The following PRTG variants were observed in gnomAD, a reference collection of about 807,000 sequenced individuals.
PRTG encodes protogenin.
In PRTG, 67 loss-of-function variants were observed where a neutral mutation model predicts 122.5. The ratio of observed to expected loss-of-function variants is 0.55; its 90% CI spans 0.45 to 0.67. The LOEUF is 0.67. Ranked by LOEUF, PRTG falls within the 30% of genes least tolerant of loss-of-function variation. The pLI is 0.00. For synonymous variants in PRTG, 554 were observed against 501.1 expected, an observed-to-expected ratio of 1.11 and a Z score of -1.41; for missense variants, 1,435 against 1,415.4, an observed-to-expected ratio of 1.01 and a Z score of -0.22.
chr15:55,680,475 TCCTGAGAAGAC>T lies in PRTG; in HGVS notation c.814+5_814+15del, dbSNP rs1243148181. The T allele has an allele frequency of 6.4e-7, 1 of 1,552,952 alleles. No individual in the cohort carries two copies. The highest frequency in any genetic ancestry group is 2.2e-5 in the Admixed American group (1 of 45,710). ...TTAAGGAAAAGACTTTTTTTTTTTT[TCCTGAGAAGAC>T]TTACCAAGGCGGCTCCAAGAAATGA... On this transcript the variant is annotated splice_donor_5th_base_variant and intron_variant, in intron 5 of 19. Transcript: ENST00000389286.
intron 2 of PRTG, among the ~76,000 whole-genome samples, chr15:55,712,521 C>G (rs2030427485): frequency 1.3e-5 from 2 of 152,160 alleles, no homozygotes; most frequent in South Asian, 4.2e-4. Flanking sequence ...AATTTGATCA[C>G]TAAGACAACC....
chr15:55,656,873 T>A (rs957366133), intron 11 of PRTG, among the ~76,000 whole-genome samples: 2 of 152,260 alleles, frequency 1.3e-5, no homozygotes, highest in African/African-American at 4.8e-5. Context: ...TCTATCTATA[T>A]ACAAATGTTT....
intron 2 of PRTG, among the ~76,000 whole-genome samples, chr15:55,707,158 G>GT (rs2030163641): frequency 6.6e-6 from 1 of 152,164 alleles, no homozygotes; most frequent in South Asian, 2.1e-4. Context: ...CCAAATGTGA[G>GT]TTTTTTAATG....
intron 16 of PRTG, among the ~76,000 whole-genome samples, chr15:55,627,492 GTTTTTTT>G (rs35022592): frequency 9.5e-6 from 1 of 104,774 alleles, no homozygotes; most frequent in Middle Eastern, 4.5e-3. Flanking sequence ...GCCCAGCTAA[GTTTTTTT>G]TTTTTTTTTT....
Position 55,624,513 on chromosome 15 carries a change from A to T in PRTG, c.2928-6T>A, listed in dbSNP as rs1337282143. The T allele has an allele frequency of 5.6e-6, 9 of 1,607,246 alleles. No individual in the cohort carries two copies. The Admixed American group carries it at 1.0e-4, about 18-fold the overall frequency. On this transcript the variant is annotated splice_polypyrimidine_tract_variant and splice_region_variant and intron_variant, in intron 17 of 19. Coordinates refer to ENST00000389286, the MANE Select transcript of PRTG (RefSeq NM_173814.6). ...TCTTGGAAGCAGATGATTTCCTAAAACATTGGCAAGAAGAGGAAGTCTTCT... is the reference window on the plus strand; with the variant it reads ...TCTTGGAAGCAGATGATTTCCTAAATCATTGGCAAGAAGAGGAAGTCTTCT...
Position 55,637,194 on chromosome 15 carries a change from C to G in PRTG, c.2599G>C (p.Glu867Gln), listed in dbSNP as rs1595609445. 1 of 1,602,866 alleles carries G rather than the reference C, an allele frequency of 6.2e-7. No homozygotes were observed. Among genetic ancestry groups the G allele is most frequent in the Non-Finnish European group, 8.5e-7 (1 of 1,174,758 alleles). Residue 867 changes from glutamate to glutamine, a missense_variant, in exon 15 of 20, where the codon GAG becomes CAG. By Grantham distance (29) the Glu-to-Gln change is conservative. Coordinates refer to ENST00000389286, the MANE Select transcript of PRTG (RefSeq NM_173814.6). ...YASRKAWIAG[E>Q]WQVLHREGAI... ...CCTTCACGGTGTAAGACCTGCCACT[C>G]TCCTGCAATCCAGGCCTTCCTAGAT...
chr15:55,632,762 T>C (rs1289031745), intron 15 of PRTG, among the ~76,000 whole-genome samples: 1 of 152,226 alleles, frequency 6.6e-6, no homozygotes, highest in African/African-American at 2.4e-5. Context: ...ACTGTCTTTA[T>C]AGCATTTATG....
chr15:55,699,996 A>G (rs1387359903), intron 2 of PRTG, among the ~76,000 whole-genome samples: 5 of 152,230 alleles, frequency 3.3e-5, no homozygotes, highest in African/African-American at 7.2e-5. Context: ...AATTTTGAAA[A>G]AGATGAAACA....
chr15:55,629,373 ATATGTGTGTGTGTGTGTGTG>A (rs1441893581), intron 15 of PRTG, among the ~76,000 whole-genome samples: 39 of 54,366 alleles, frequency 7.2e-4, no homozygotes, highest in Middle Eastern at 0.011. Context: ...ATATATATAT[ATATGTGTGTGTGTGTGTGTG>A]TGTGTGTGTG....
intron 2 of PRTG, among the ~76,000 whole-genome samples, chr15:55,726,358 T>A (rs1365607405): frequency 6.6e-6 from 1 of 152,124 alleles, no homozygotes; most frequent in Non-Finnish European, 1.5e-5. Flanking sequence ...ATTACAAGCA[T>A]GAGCTACTGT....
chr15:55,650,664 G>T, intron 11 of PRTG, among the ~76,000 whole-genome samples: 1 of 151,954 alleles, frequency 6.6e-6, no homozygotes, highest in East Asian at 1.9e-4. Flanking sequence ...AGAGACTAAG[G>T]AGTAAGAAAG....
At chr15:55,626,551 C>G (rs2059195963) in intron 17 of PRTG, among the ~76,000 whole-genome samples, 1 of 150,960 alleles carries the variant, frequency 6.6e-6, no homozygotes, top group African/African-American at 2.4e-5. Flanking sequence ...GAGATCAAGA[C>G]CATCCTGGCT....
At chr15:55,729,983 T>C (rs533481600) in intron 2 of PRTG, among the ~76,000 whole-genome samples, 1 of 152,358 alleles carries the variant, frequency 6.6e-6, no homozygotes, top group Non-Finnish European at 1.5e-5. Context: ...TAGCAATTTA[T>C]TTTAAAAATC....
intron 15 of PRTG, among the ~76,000 whole-genome samples, chr15:55,633,912 A>C (rs2059241763): frequency 6.6e-6 from 1 of 152,234 alleles, no homozygotes; most frequent in Non-Finnish European, 1.5e-5. Flanking sequence ...GCACTATTAT[A>C]TAGCTAGAAA....
At chr15:55,733,514 CAAAAAA>C (rs1171561645) in intron 2 of PRTG, among the ~76,000 whole-genome samples, 76 of 76,390 alleles carry the variant, frequency 9.9e-4, no homozygotes, top group East Asian at 2.5e-3. Flanking sequence ...CTGTCTCAAA[CAAAAAA>C]AAAAAAAAAA....
In PRTG at chr15:55,619,918, T is replaced by C. The variant is rs1301943089; in HGVS notation, c.*94A>G. The C allele has an allele frequency of 6.4e-7, 1 of 1,552,852 alleles. No homozygotes were observed. The highest frequency in any genetic ancestry group is 1.4e-5 in the African/African-American group (1 of 73,128). On this transcript the variant is annotated 3_prime_UTR_variant, in exon 20 of 20. Transcript: ENST00000389286. ...GCATGGCAGATGGCGGCTGCAGAAC[T>C]AAGGAGGAAGTCTGCTCACTAACAG...
chr15:55,727,295 T>C (rs1487490487), intron 2 of PRTG, among the ~76,000 whole-genome samples: 3 of 151,574 alleles, frequency 2.0e-5, no homozygotes, highest in Admixed American at 6.6e-5. Context: ...AGAGAGATGA[T>C]ATAAATAACT....
chr15:55,693,295 A>G (rs1307435496), intron 2 of PRTG, among the ~76,000 whole-genome samples: 1 of 152,176 alleles, frequency 6.6e-6, no homozygotes. Flanking sequence ...TGTCTCTACT[A>G]AAAACACGAA....
chr15:55,741,098 A>G (rs1321363790), intron 1 of PRTG, among the ~76,000 whole-genome samples: 1 of 152,242 alleles, frequency 6.6e-6, no homozygotes, highest in Admixed American at 6.5e-5. Context: ...TCTGTGAACA[A>G]GCAAGTTTAT....
Sources: allele counts gnomAD v4.1 joint callset (sites outside exome capture counted in the v4.1 genomes callset), GRCh38; gene constraint gnomAD v4.1.1; transcripts MANE v1.5; gene names NCBI Gene and HGNC (gene_info 2026-07-23, HGNC 2026-07-21).